TBC1D5: variants seen among roughly 807,000 people sequenced by gnomAD.
The protein encoded by TBC1D5 is TBC1 domain family member 5, also known as TBC1 domain family, member 5.
Under a neutral mutation model 100.3 loss-of-function variants are expected in TBC1D5, and 75 were observed. The ratio of observed to expected loss-of-function variants is 0.75; its 90% confidence interval spans 0.62 to 0.91. The LOEUF is 0.91. TBC1D5 is among the 40% of genes least tolerant of loss of function. The pLI, the probability that TBC1D5 is intolerant of heterozygous loss-of-function variation, is 0.00. For missense variants in TBC1D5, 910 were observed against 942.4 expected (o/e 0.97, Z 0.45); for synonymous variants, 323 against 325.6 (o/e 0.99, Z 0.09).
intron 9 of TBC1D5, 30 bp downstream of exon 9, chr3:17,383,883 T>C (rs778265426): frequency 5.2e-6 from 8 of 1,549,496 alleles, no homozygotes; most frequent in Non-Finnish European, 7.0e-6. Context: ...TTTGAGTCAA[T>C]GGATGCCACC....
chr3:17,205,383 C>A (rs1167171582), intron 18 of TBC1D5, among the ~76,000 whole-genome samples: 3 of 152,052 alleles, frequency 2.0e-5, no homozygotes, highest in Non-Finnish European at 4.4e-5. Context: ...AAAAGAAAAT[C>A]AGATAACTAG....
intron 13 of TBC1D5, among the ~76,000 whole-genome samples, chr3:17,361,674 TTAAAA>T (rs2091728176): frequency 6.6e-6 from 1 of 151,976 alleles, no homozygotes; most frequent in South Asian, 2.1e-4. Flanking sequence ...AAAGAAAAAT[TTAAAA>T]TATCTTGAGC....
chr3:17,363,416 AATTAT>A (rs1332057638), intron 13 of TBC1D5, among the ~76,000 whole-genome samples: 4 of 152,068 alleles, frequency 2.6e-5, no homozygotes, highest in Middle Eastern at 3.4e-3. Flanking sequence ...TCTAAATGAA[AATTAT>A]ATTATGCTAC....
At chr3:17,609,532 C>T (rs1419647502) in intron 2 of TBC1D5, among the ~76,000 whole-genome samples, 1 of 152,160 alleles carries the variant, frequency 6.6e-6, no homozygotes, top group African/African-American at 2.4e-5. Flanking sequence ...CTAATGTCAC[C>T]ACTTTATGAA....
At chr3:17,195,361 A>G (rs1167325131) in intron 18 of TBC1D5, among the ~76,000 whole-genome samples, 1 of 152,228 alleles carries the variant, frequency 6.6e-6, no homozygotes, top group Non-Finnish European at 1.5e-5. Flanking sequence ...CTTACACGTG[A>G]TAAGACCAAC....
intron 13 of TBC1D5, among the ~76,000 whole-genome samples, chr3:17,312,980 C>T (rs963898974): frequency 1.3e-5 from 2 of 152,104 alleles, no homozygotes; most frequent in Admixed American, 6.6e-5. Context: ...TGTATGCCTG[C>T]TATTTGGCTT....
intron 2 of TBC1D5, among the ~76,000 whole-genome samples, chr3:17,572,548 C>T (rs1050825050): frequency 6.6e-6 from 1 of 152,028 alleles, no homozygotes; most frequent in African/African-American, 2.4e-5. Context: ...TGACAGTCAG[C>T]TCTTCAGATA....
At chr3:17,392,363 C>CT (rs1199545560) in intron 8 of TBC1D5, among the ~76,000 whole-genome samples, 2 of 151,154 alleles carry the variant, frequency 1.3e-5, no homozygotes, top group African/African-American at 4.9e-5. Flanking sequence ...TCATGTGACC[C>CT]TTTTTTTAAA....
chr3:17,406,640 A>G (rs1023094832), intron 4 of TBC1D5, 114 bp from the exon 5 acceptor site: 13 of 832,490 alleles, frequency 1.6e-5, no homozygotes, highest in African/African-American at 3.5e-5. Flanking sequence ...CTTTTAAAAC[A>G]TATATATTTA....
At chr3:17,339,681 C>A (rs766789905) in intron 13 of TBC1D5, among the ~76,000 whole-genome samples, 1 of 152,158 alleles carries the variant, frequency 6.6e-6, no homozygotes, top group Non-Finnish European at 1.5e-5. Context: ...TACATATGTA[C>A]ACACACATGC....
At chr3:17,288,801 A>T (rs2081420136) in intron 15 of TBC1D5, among the ~76,000 whole-genome samples, 1 of 152,210 alleles carries the variant, frequency 6.6e-6, no homozygotes, top group Non-Finnish European at 1.5e-5. Flanking sequence ...GACCAGAAGT[A>T]GGGATCCACT....
At chr3:17,340,308 T>C (rs1424412315) in intron 13 of TBC1D5, among the ~76,000 whole-genome samples, 1 of 152,140 alleles carries the variant, frequency 6.6e-6, no homozygotes, top group African/African-American at 2.4e-5. Context: ...AATAAAAAAG[T>C]GGTCTATGTT....
intron 3 of TBC1D5, among the ~76,000 whole-genome samples, chr3:17,493,769 C>T (rs1259577160): frequency 6.6e-6 from 1 of 152,308 alleles, no homozygotes; most frequent in African/African-American, 2.4e-5. Context: ...CATTTTTCAG[C>T]TCCATCAGAT....
chr3:17,217,901 G>A (rs572904652), intron 17 of TBC1D5, among the ~76,000 whole-genome samples: 123 of 152,082 alleles, frequency 8.1e-4, no homozygotes, highest in African/African-American at 2.7e-3. Context: ...TTTGTTGCTT[G>A]TGCTCATAGT....
At chr3:17,171,827 G>T (rs2067198806) in intron 19 of TBC1D5, among the ~76,000 whole-genome samples, 1 of 152,128 alleles carries the variant, frequency 6.6e-6, no homozygotes, top group Non-Finnish European at 1.5e-5. Context: ...TGTTATACAG[G>T]ATGAAAAGCA....
At chr3:17,695,112 G>T (rs1195193831) in intron 1 of TBC1D5, among the ~76,000 whole-genome samples, 1 of 152,024 alleles carries the variant, frequency 6.6e-6, no homozygotes, top group Non-Finnish European at 1.5e-5. Context: ...AACACGGAAA[G>T]AAACAACCGG....
intron 15 of TBC1D5, among the ~76,000 whole-genome samples, chr3:17,271,125 A>T (rs957054904): frequency 6.6e-6 from 1 of 152,096 alleles, no homozygotes; most frequent in East Asian, 1.9e-4. Context: ...TATTAATTTT[A>T]GAATAGTTTT....
At chr3:17,687,943 C>A (rs1577478243) in intron 1 of TBC1D5, among the ~76,000 whole-genome samples, 1 of 152,022 alleles carries the variant, frequency 6.6e-6, no homozygotes, top group East Asian at 1.9e-4. Context: ...AGGCAGACTG[C>A]AGTAAAAGTT....
intron 13 of TBC1D5, among the ~76,000 whole-genome samples, chr3:17,362,053 C>A (rs75330476): frequency 0.1 from 15,305 of 152,012 alleles, 851 homozygotes; most frequent in African/African-American, 0.15. Flanking sequence ...AAAGGGTAGT[C>A]TTTCCACAAA....
Sources: allele counts gnomAD v4.1 joint callset (sites outside exome capture counted in the v4.1 genomes callset), GRCh38; gene constraint gnomAD v4.1.1; transcripts MANE v1.5; gene names NCBI Gene and HGNC (gene_info 2026-07-23, HGNC 2026-07-21).